PTPRG: variants seen among roughly 807,000 people sequenced by gnomAD.
PTPRG encodes the protein receptor-type tyrosine-protein phosphatase gamma.
PTPRG carries 102 observed loss-of-function variants against 165.3 expected under a neutral mutation model. That is an observed-to-expected ratio of 0.62 (90% confidence interval 0.53 to 0.73). PTPRG has a LOEUF of 0.73. Among genes scored for constraint, PTPRG ranks in the 30% least tolerant of loss-of-function variants. PTPRG has a pLI of 0.00. For synonymous variants in PTPRG, 675 were observed against 669.5 expected, an observed-to-expected ratio of 1.01 and a Z score of -0.13; for missense variants, 1,866 against 1,861.4, an observed-to-expected ratio of 1.00 and a Z score of -0.05.
intron 1 of PTPRG, among the ~76,000 whole-genome samples, chr3:61,579,221 G>A (rs1022327380): frequency 3.3e-5 from 5 of 152,144 alleles, no homozygotes; most frequent in African/African-American, 1.2e-4. Flanking sequence ...CGTTATCAAG[G>A]CAAACCCTTT....
chr3:61,945,784 G>C (rs1457857731), intron 2 of PTPRG, among the ~76,000 whole-genome samples: 4 of 152,060 alleles, frequency 2.6e-5, no homozygotes, highest in African/African-American at 9.7e-5. Flanking sequence ...TGCATAACTA[G>C]GCACTGTCCT....
chr3:61,805,163 TG>T (rs930774274), intron 2 of PTPRG, among the ~76,000 whole-genome samples: 2 of 152,108 alleles, frequency 1.3e-5, no homozygotes, highest in African/African-American at 4.8e-5. Context: ...GTTCTCAATT[TG>T]GGGCTATTTT....
intron 1 of PTPRG, among the ~76,000 whole-genome samples, chr3:61,688,712 A>G (rs543328127): frequency 4.7e-4 from 72 of 152,196 alleles, no homozygotes; most frequent in African/African-American, 1.7e-3. Context: ...AATAGTCAGT[A>G]CCCTTGTCAG....
intron 2 of PTPRG, among the ~76,000 whole-genome samples, chr3:61,762,453 A>T (rs902950426): frequency 5.9e-5 from 9 of 152,162 alleles, no homozygotes; most frequent in Non-Finnish European, 1.2e-4. Context: ...TCTACTAAAA[A>T]TACAAAAAGT....
chr3:62,265,020 G>A (rs1026040313), intron 17 of PTPRG, among the ~76,000 whole-genome samples: 2 of 149,904 alleles, frequency 1.3e-5, no homozygotes, highest in Admixed American at 1.3e-4. Context: ...TTGTAGTTTC[G>A]ATTTGCATGT....
chr3:61,871,971 C>T (rs937903554), intron 2 of PTPRG, among the ~76,000 whole-genome samples: 4 of 152,222 alleles, frequency 2.6e-5, no homozygotes, highest in Admixed American at 2.0e-4. Context: ...CCAAAGCTCT[C>T]AACAGCTGAA....
At chr3:61,631,439 T>C (rs984603755) in intron 1 of PTPRG, among the ~76,000 whole-genome samples, 1 of 152,240 alleles carries the variant, frequency 6.6e-6, no homozygotes, top group South Asian at 2.1e-4. Context: ...GCTATACCTG[T>C]TCTATCTTAG....
At chr3:61,713,937 G>A (rs865838312) in intron 1 of PTPRG, among the ~76,000 whole-genome samples, 17 of 152,156 alleles carry the variant, frequency 1.1e-4, no homozygotes, top group Middle Eastern at 3.2e-3. Flanking sequence ...GAGATTGCTA[G>A]GTTACAAATG....
chr3:61,917,704 C>T (rs1484605703), intron 2 of PTPRG, among the ~76,000 whole-genome samples: 2 of 152,108 alleles, frequency 1.3e-5, no homozygotes, highest in East Asian at 1.9e-4. Context: ...CTGAGGCAGG[C>T]GGATCACCTG....
chr3:61,813,345 AAT>A lies in PTPRG; in HGVS notation c.190+64365_190+64366del, dbSNP rs1418817475. Among the ~76,000 whole-genome samples, 755 of 148,588 alleles carry A rather than the reference AAT, an allele frequency of 5.1e-3. 15 individuals carry two copies. Among genetic ancestry groups the A allele is most frequent in the African/African-American group, 0.017 (695 of 39,830 alleles). ...TGATTACTAAAAAAAAAAAAAAAAA[AAT>A]AGAAAAAAAATAGAAAAATTAGTTG... On this transcript the variant is annotated intron_variant, in intron 2 of 29. Coordinates refer to ENST00000474889, the MANE Select transcript of PTPRG (RefSeq NM_002841.4).
intron 2 of PTPRG, among the ~76,000 whole-genome samples, chr3:61,870,378 C>G (rs4688272): frequency 2.1e-5 from 3 of 141,762 alleles, no homozygotes; most frequent in Non-Finnish European, 4.5e-5. Context: ...ATGGTATGAT[C>G]TCAGCTCCAG....
At chr3:61,978,753 TAAAACTACTCAA>T (rs1412366270) in intron 2 of PTPRG, among the ~76,000 whole-genome samples, 1 of 152,224 alleles carries the variant, frequency 6.6e-6, no homozygotes, top group Admixed American at 6.5e-5. Context: ...CTGTCTCTTT[TAAAACTACTCAA>T]ATCTGATCTT....
At chr3:61,722,313 C>T (rs1379394403) in intron 1 of PTPRG, among the ~76,000 whole-genome samples, 1 of 152,152 alleles carries the variant, frequency 6.6e-6, no homozygotes, top group East Asian at 1.9e-4. Context: ...ATTCATGAGG[C>T]TGATGCCCCC....
Position 62,255,262 on chromosome 3 carries a change from T to C in PTPRG, c.2559+47T>C, listed in dbSNP as rs764900723. 6.9e-7 allele frequency: 1 copy of C among 1,452,358 alleles called. No individual in the cohort carries two copies. 90.0% of individuals were successfully genotyped at this position (1,452,358 alleles called of 1,614,324 possible). ...TAACTTCCAGAAACCTAAGTCTTAC[T>C]TTATGCAGATTTTTGTAAACTTGAA... On this transcript the variant is annotated intron_variant, in intron 16 of 29. Transcript: ENST00000474889. This position sits in a 1 kb window ranked among gnomAD's most constrained non-coding sequence, Gnocchi z 4.0.
At chr3:62,069,684 T>A (rs62243351) in intron 4 of PTPRG, among the ~76,000 whole-genome samples, 133,485 of 145,166 alleles carry the variant, frequency 0.92, 61,384 homozygotes, top group Non-Finnish European at 0.96. Context: ...TCTCTCTCTC[T>A]CACACACAGA....
At chr3:61,828,524 T>A (rs2036176082) in intron 2 of PTPRG, among the ~76,000 whole-genome samples, 1 of 152,238 alleles carries the variant, frequency 6.6e-6, no homozygotes, top group Non-Finnish European at 1.5e-5. Context: ...TGGCCCATGC[T>A]TAACACCAAA....
chr3:61,955,806 T>C (rs1429526414), intron 2 of PTPRG, among the ~76,000 whole-genome samples: 1 of 152,244 alleles, frequency 6.6e-6, no homozygotes, highest in African/African-American at 2.4e-5. Flanking sequence ...TATACTGATA[T>C]ACTTGAGAAA....
chr3:62,001,207 T>G (rs1299058433), intron 3 of PTPRG, among the ~76,000 whole-genome samples: 1 of 152,066 alleles, frequency 6.6e-6, no homozygotes, highest in African/African-American at 2.4e-5. Flanking sequence ...TTGGAAGGGG[T>G]GGGTGGACAT....
intron 2 of PTPRG, among the ~76,000 whole-genome samples, chr3:61,787,491 G>A (rs965086494): frequency 1.3e-5 from 2 of 152,130 alleles, no homozygotes; most frequent in African/African-American, 4.8e-5. Flanking sequence ...TAAATATTCC[G>A]AGTGGTATCA....
Sources: allele counts gnomAD v4.1 joint callset (sites outside exome capture counted in the v4.1 genomes callset), GRCh38; gene constraint gnomAD v4.1.1; non-coding constraint Gnocchi (gnomAD v3.1); transcripts MANE v1.5; gene names NCBI Gene and HGNC (gene_info 2026-07-23, HGNC 2026-07-21).